The following CDK19 variants were observed in gnomAD, a reference collection of about 807,000 sequenced individuals.
CDK19 encodes cyclin-dependent kinase 19.
A neutral mutation model predicts 68.3 loss-of-function variants in CDK19; 20 were observed. That is an observed-to-expected ratio of 0.29 (90% CI 0.21 to 0.43). The LOEUF is 0.43. Ranked by LOEUF, CDK19 falls within the 20% of genes least tolerant of loss-of-function variation. CDK19 has a pLI of 1.00. For synonymous variants in CDK19, 221 were observed against 222.8 expected, an observed-to-expected ratio of 0.99 and a Z score of 0.07; for missense variants, 339 against 623.5, an observed-to-expected ratio of 0.54 and a Z score of 4.86.
chr6:110,815,337 T>G lies in CDK19; in HGVS notation c.-201A>C. 159 of 373,490 alleles carry G rather than the reference T, an allele frequency of 4.3e-4. No homozygotes were observed. Among genetic ancestry groups the G allele is most frequent in the East Asian group, 9.7e-4 (19 of 19,636 alleles). The allele number at this position is 373,490 out of a possible 1,614,324, so 23.1% of individuals were successfully genotyped here. ...CCACAGCAGCCACCTCCTCCACCTCTTCCTCCTCCTCCTCCGCGACGGCGG... is the reference window on the plus strand; with the variant it reads ...CCACAGCAGCCACCTCCTCCACCTCGTCCTCCTCCTCCTCCGCGACGGCGG... On this transcript the variant is annotated 5_prime_UTR_variant, in exon 1 of 13. Transcript: ENST00000368911.
At chr6:110,809,058 A>G (rs1401543515) in intron 1 of CDK19, among the ~76,000 whole-genome samples, 4 of 151,738 alleles carry the variant, frequency 2.6e-5, no homozygotes. Flanking sequence ...TACAAAAAAA[A>G]AAAAAAATTA....
rs569598334 is a variant in CDK19 at position 110,645,822 on chromosome 6, G to A, written c.457-7116C>T. ...CCTATCTAGAGACGGAGGGATGGCC[G>A]CGCACGACGCGCCGCGCTTCCTCCT... is the stretch of plus-strand genomic sequence containing the variant. On this transcript the variant is annotated intron_variant, in intron 4 of 12. Transcript: ENST00000368911. 1.6e-4 allele frequency: 97 copies of A among 600,772 alleles called. 2 individuals carry two copies. Among genetic ancestry groups the A allele is most frequent in the South Asian group, 1.6e-3 (94 of 59,388 alleles). 37.2% of individuals were successfully genotyped at this position (600,772 alleles called of 1,614,324 possible).
chr6:110,786,443 A>G (rs1013849612), intron 1 of CDK19, among the ~76,000 whole-genome samples: 8 of 152,084 alleles, frequency 5.3e-5, no homozygotes, highest in Admixed American at 4.6e-4. Context: ...ACATCTGGGC[A>G]CTGTTTTCTC....
intron 1 of CDK19, among the ~76,000 whole-genome samples, chr6:110,809,379 A>G (rs1205972048): frequency 1.3e-5 from 2 of 152,002 alleles, no homozygotes; most frequent in Non-Finnish European, 2.9e-5. Flanking sequence ...AACAAAAATT[A>G]GCCAGCACGT....
chr6:110,635,828 T>C (rs550769646), intron 5 of CDK19, among the ~76,000 whole-genome samples: 2 of 152,330 alleles, frequency 1.3e-5, no homozygotes, highest in Non-Finnish European at 2.9e-5. Flanking sequence ...TGAGCCACTG[T>C]GCCCAGCCCA....
chr6:110,754,895 AAT>A (rs1410529527), intron 1 of CDK19, among the ~76,000 whole-genome samples: 2 of 152,164 alleles, frequency 1.3e-5, no homozygotes, highest in Non-Finnish European at 2.9e-5. Context: ...TTATTTCAGA[AAT>A]ATGTTACTAA....
intron 1 of CDK19, among the ~76,000 whole-genome samples, chr6:110,747,536 T>C (rs1778161247): frequency 6.6e-6 from 1 of 152,132 alleles, no homozygotes; most frequent in South Asian, 2.1e-4. Flanking sequence ...AATTATACTA[T>C]ATAAAAATAT....
At chr6:110,679,044 C>A (rs1249825444) in intron 2 of CDK19, among the ~76,000 whole-genome samples, 2 of 152,164 alleles carry the variant, frequency 1.3e-5, no homozygotes, top group African/African-American at 4.8e-5. Context: ...TGTAGTGGCT[C>A]ACACTTGTAA....
At chr6:110,630,851 G>A (rs1471928283) in intron 6 of CDK19, among the ~76,000 whole-genome samples, 2 of 152,236 alleles carry the variant, frequency 1.3e-5, no homozygotes. Context: ...GCAGCACTGT[G>A]CTAGAGTCTG....
chr6:110,763,701 C>T (rs972520760), intron 1 of CDK19, among the ~76,000 whole-genome samples: 4 of 151,478 alleles, frequency 2.6e-5, no homozygotes, highest in Non-Finnish European at 5.9e-5. Flanking sequence ...TGGCATGAGC[C>T]GCCACGCCCA....
At chr6:110,671,075 GT>G (rs925220759) in intron 2 of CDK19, among the ~76,000 whole-genome samples, 16 of 150,850 alleles carry the variant, frequency 1.1e-4, no homozygotes, top group African/African-American at 2.7e-4. Context: ...GTGGTTGAGG[GT>G]TTTTTTTTGA....
At chr6:110,692,463 CAA>C (rs1182354809) in intron 2 of CDK19, among the ~76,000 whole-genome samples, 1 of 151,094 alleles carries the variant, frequency 6.6e-6, no homozygotes, top group Non-Finnish European at 1.5e-5. Context: ...GAAAAATGAA[CAA>C]AGTCTCCAAG....
chr6:110,622,211 G>A, intron 10 of CDK19, 45 bp from the exon 11 acceptor site: 1 of 1,226,526 alleles, frequency 8.2e-7, no homozygotes. Flanking sequence ...TCTAAAATCT[G>A]TAATATCATT....
At chr6:110,761,638 G>A (rs2114954387) in intron 1 of CDK19, among the ~76,000 whole-genome samples, 1 of 150,890 alleles carries the variant, frequency 6.6e-6, no homozygotes, top group Non-Finnish European at 1.5e-5. Flanking sequence ...ACTAGAGATA[G>A]AGATGTGAAA....
chr6:110,633,621 T>TA (rs368298234), intron 5 of CDK19, among the ~76,000 whole-genome samples: 8,487 of 152,070 alleles, frequency 0.056, 351 homozygotes, highest in African/African-American at 0.11. Context: ...ATAAAAGTAA[T>TA]AAAAAAAATT....
At chr6:110,627,809 TATC>T (rs1474407387) in intron 6 of CDK19, among the ~76,000 whole-genome samples, 1 of 152,198 alleles carries the variant, frequency 6.6e-6, no homozygotes, top group East Asian at 1.9e-4. Flanking sequence ...ACTGAAACAA[TATC>T]ATCATCAGAC....
At chr6:110,759,139 G>A (rs1193518764) in intron 1 of CDK19, among the ~76,000 whole-genome samples, 9 of 151,610 alleles carry the variant, frequency 5.9e-5, no homozygotes, top group East Asian at 1.9e-4. Flanking sequence ...GGTGGCTCAC[G>A]CCTATAATCC....
chr6:110,804,771 C>T (rs1040771956), intron 1 of CDK19, among the ~76,000 whole-genome samples: 7 of 150,388 alleles, frequency 4.7e-5, no homozygotes, highest in East Asian at 4.0e-4. Context: ...CTGGCTAACA[C>T]GGTGAAACCC....
At chr6:110,682,928 C>A (rs759285873) in intron 2 of CDK19, among the ~76,000 whole-genome samples, 99 of 152,134 alleles carry the variant, frequency 6.5e-4, no homozygotes, top group Non-Finnish European at 2.2e-4. Flanking sequence ...CTAATCCTGG[C>A]ACTCTGGGAG....
Sources: allele counts gnomAD v4.1 joint callset (sites outside exome capture counted in the v4.1 genomes callset), GRCh38; gene constraint gnomAD v4.1.1; transcripts MANE v1.5; gene names NCBI Gene and HGNC (gene_info 2026-07-23, HGNC 2026-07-21).